Variants in PLCZ1 observed in about 807,000 individuals in gnomAD.
PLCZ1 encodes 1-phosphatidylinositol 4,5-bisphosphate phosphodiesterase zeta-1.
Under a neutral mutation model 76.8 loss-of-function variants are expected in PLCZ1, and 64 were observed. The observed-to-expected ratio is 0.83, with a 90% CI of 0.68 to 1.03. The LOEUF (loss-of-function observed/expected upper bound fraction) is 1.03, where lower values mean the gene tolerates loss of function less well. PLCZ1 is among the 50% of genes least tolerant of loss of function. PLCZ1 has a pLI of 0.00. For missense variants in PLCZ1, 751 were observed against 713.7 expected (o/e 1.05, Z -0.60); for synonymous variants, 248 against 230.8 (o/e 1.07, Z -0.68).
chr12:18,695,061 G>C lies in PLCZ1; in HGVS notation c.1310C>G (p.Thr437Ser), dbSNP rs367728469. Residue 437 changes from threonine to serine, a missense_variant, in exon 12 of 15, where the codon ACC (threonine) becomes AGC (serine). By Grantham distance (58) the Thr-to-Ser change is moderately conservative. Transcript: ENST00000266505. ...GCQMVALNFQ[T>S]PGLPMDLQNG... ...TTGCAGATCCATGGGCAGACCAGGGGTCTGGAAATTTAAAGCCACTGTAAG... is the reference window on the plus strand; with the variant it reads ...TTGCAGATCCATGGGCAGACCAGGGCTCTGGAAATTTAAAGCCACTGTAAG... The C allele has an allele frequency of 6.4e-5, 104 of 1,612,762 alleles. No homozygotes were observed. Among genetic ancestry groups the C allele is most frequent in the Non-Finnish European group, 8.1e-5 (96 of 1,179,210 alleles).
chr12:18,692,845 A>T, intron 12 of PLCZ1: 8 of 1,591,888 alleles, frequency 5.0e-6, no homozygotes, highest in Non-Finnish European at 6.9e-6. Context: ...GACAAGAAAA[A>T]GAAATATGAA....
chr12:18,680,367 A>C (rs1176076551), downstream of PLCZ1, among the ~76,000 whole-genome samples: 3 of 151,882 alleles, frequency 2.0e-5, no homozygotes, highest in Admixed American at 2.0e-4. Context: ...CCCTCAAGAC[A>C]CTCCCTTATA....
chr12:18,666,146 T>C, the PLCZ1 span, among the ~76,000 whole-genome samples: 1 of 151,504 alleles, frequency 6.6e-6, no homozygotes, highest in Admixed American at 6.6e-5. Context: ...CACTAGAAAA[T>C]ATCTAACACA....
intron 7 of PLCZ1, among the ~76,000 whole-genome samples, chr12:18,704,309 C>A (rs529826750): frequency 2.6e-5 from 4 of 151,790 alleles, no homozygotes; most frequent in African/African-American, 7.3e-5. Flanking sequence ...AAATTTGGGC[C>A]GTGAGAGGGA....
At chr12:18,665,889 C>T in the PLCZ1 span, among the ~76,000 whole-genome samples, 58 of 149,696 alleles carry the variant, frequency 3.9e-4, no homozygotes, top group Middle Eastern at 3.5e-3. Context: ...GAGCCAAGAT[C>T]GCGCCATTGT....
the PLCZ1 span, among the ~76,000 whole-genome samples, chr12:18,650,329 C>CTATA: frequency 6.7e-3 from 554 of 82,332 alleles, no homozygotes; most frequent in African/African-American, 9.1e-3. Context: ...CTCTCTCTCT[C>CTATA]TCTATATATA....
At chr12:18,692,486 T>C (rs946715863) in intron 12 of PLCZ1, among the ~76,000 whole-genome samples, 2 of 152,132 alleles carry the variant, frequency 1.3e-5, no homozygotes, top group Non-Finnish European at 2.9e-5. Context: ...AAACAAATCT[T>C]AGACAACTGC....
downstream of PLCZ1, among the ~76,000 whole-genome samples, chr12:18,681,290 T>C (rs1952390402): frequency 6.6e-6 from 1 of 152,034 alleles, no homozygotes; most frequent in Admixed American, 6.6e-5. Flanking sequence ...ACGGATGGCT[T>C]CCCTGAGGAA....
chr12:18,692,143 A>G (rs1415874796), intron 12 of PLCZ1, among the ~76,000 whole-genome samples: 1 of 152,190 alleles, frequency 6.6e-6, no homozygotes, highest in African/African-American at 2.4e-5. Flanking sequence ...AGGAGCGCTC[A>G]GCAGCTGGCA....
intron 1 of PLCZ1, 52 bp downstream of exon 1, chr12:18,737,880 T>A (rs1309801956): frequency 3.6e-6 from 1 of 281,194 alleles, no homozygotes; most frequent in African/African-American, 2.2e-5. Flanking sequence ...TCTTGAAACT[T>A]TGGGCTGCTT....
chr12:18,711,987 T>A (rs777419707), intron 6 of PLCZ1, among the ~76,000 whole-genome samples: 84 of 152,234 alleles, frequency 5.5e-4, no homozygotes, highest in Non-Finnish European at 1.0e-3. Flanking sequence ...GTAGATAAAT[T>A]TATATAAATT....
At chr12:18,683,629 A>T in intron 14 of PLCZ1, 1 of 1,388,242 alleles carries the variant, frequency 7.2e-7, no homozygotes, top group Non-Finnish European at 9.5e-7. Flanking sequence ...CACATCTCAG[A>T]TGCTGTTAGA....
the PLCZ1 span, among the ~76,000 whole-genome samples, chr12:18,654,824 ATC>A: frequency 3.9e-5 from 6 of 152,178 alleles, no homozygotes; most frequent in Non-Finnish European, 8.8e-5. Flanking sequence ...CACCGACTTC[ATC>A]TCTCTTAATG....
chr12:18,711,600 G>T (rs111349320), intron 6 of PLCZ1, among the ~76,000 whole-genome samples: 13,534 of 150,406 alleles, frequency 0.09, 732 homozygotes, highest in African/African-American at 0.15. Flanking sequence ...TTGACTGAGG[G>T]GACTGAGAGA....
chr12:18,661,051 T>C, the PLCZ1 span, among the ~76,000 whole-genome samples: 7 of 152,146 alleles, frequency 4.6e-5, no homozygotes, highest in Non-Finnish European at 1.5e-5. Context: ...GGTATATATA[T>C]GAGCAGTTAG....
chr12:18,665,262 T>C, the PLCZ1 span, among the ~76,000 whole-genome samples: 16,215 of 152,064 alleles, frequency 0.11, 1,113 homozygotes, highest in African/African-American at 0.2. Context: ...AAAGGGTATA[T>C]AGACTTTCAG....
chr12:18,646,591 A>C, the PLCZ1 span, among the ~76,000 whole-genome samples: 1 of 152,158 alleles, frequency 6.6e-6, no homozygotes, highest in Non-Finnish European at 1.5e-5. Flanking sequence ...GAGGCCACCC[A>C]GTGAACTCAG....
the PLCZ1 span, among the ~76,000 whole-genome samples, chr12:18,647,247 T>G: frequency 6.6e-6 from 1 of 152,206 alleles, no homozygotes; most frequent in South Asian, 2.1e-4. Context: ...GAAATTGGTC[T>G]GTTTCATGGC....
chr12:18,697,838 T>G (rs1036662748), intron 10 of PLCZ1, among the ~76,000 whole-genome samples: 1 of 151,936 alleles, frequency 6.6e-6, no homozygotes, highest in Non-Finnish European at 1.5e-5. Flanking sequence ...ATAATAATAA[T>G]TGGCATCCTT....
Sources: allele counts gnomAD v4.1 joint callset (sites outside exome capture counted in the v4.1 genomes callset), GRCh38; gene constraint gnomAD v4.1.1; transcripts MANE v1.5; gene names NCBI Gene and HGNC (gene_info 2026-07-23, HGNC 2026-07-21).